PRKN: variants seen among roughly 807,000 people sequenced by gnomAD.
PRKN encodes E3 ubiquitin-protein ligase parkin.
Under a neutral mutation model 59.5 loss-of-function variants are expected in PRKN, and 56 were observed. The observed-to-expected ratio is 0.94, with a 90% CI of 0.76 to 1.18. The LOEUF is 1.18. PRKN is among the 50% of genes most tolerant of loss of function. The pLI is 0.00. For missense variants in PRKN, 657 were observed against 596.4 expected, an observed-to-expected ratio of 1.10 and a Z score of -1.06; for synonymous variants, 250 against 222.1, an observed-to-expected ratio of 1.13 and a Z score of -1.12.
At chr6:161,430,983 A>G (rs1788620317) in intron 9 of PRKN, among the ~76,000 whole-genome samples, 1 of 150,824 alleles carries the variant, frequency 6.6e-6, no homozygotes, top group South Asian at 2.1e-4. Context: ...TAAAACTACA[A>G]AAAAAATTAG....
At chr6:162,569,174 G>C (rs1046994330) in intron 1 of PRKN, 3 of 586,902 alleles carry the variant, frequency 5.1e-6, no homozygotes, top group African/African-American at 3.7e-5. Context: ...AGTATAAGGA[G>C]CTGCAGATGC....
chr6:162,497,635 C>T (rs1001396454), intron 1 of PRKN, among the ~76,000 whole-genome samples: 1 of 152,170 alleles, frequency 6.6e-6, no homozygotes, highest in African/African-American at 2.4e-5. Context: ...TCTGTTGTGC[C>T]TGAATAAAGC....
At chr6:162,146,890 C>T (rs549936985) in intron 4 of PRKN, among the ~76,000 whole-genome samples, 74 of 152,024 alleles carry the variant, frequency 4.9e-4, no homozygotes, top group Non-Finnish European at 9.6e-4. Context: ...GCCACCACTT[C>T]TGGCTAATTT....
intron 4 of PRKN, among the ~76,000 whole-genome samples, chr6:162,167,347 G>C (rs1196200546): frequency 6.6e-6 from 1 of 152,172 alleles, no homozygotes; most frequent in African/African-American, 2.4e-5. Flanking sequence ...CCTGACGTGT[G>C]CTTGTTAATC....
chr6:162,658,586 G>C (rs1392503864), intron 1 of PRKN, among the ~76,000 whole-genome samples: 2 of 148,680 alleles, frequency 1.3e-5, no homozygotes, highest in Non-Finnish European at 3.0e-5. Flanking sequence ...GCTTGAACCC[G>C]GGAGGCGGAG....
intron 6 of PRKN, among the ~76,000 whole-genome samples, chr6:161,840,817 A>G (rs1792954784): frequency 6.6e-6 from 1 of 152,152 alleles, no homozygotes; most frequent in South Asian, 2.1e-4. Flanking sequence ...GGTATTCCAC[A>G]TGGTATATAC....
In PRKN at chr6:161,545,318, AC is replaced by A. The variant is rs750735901; in HGVS notation, c.1083+3535del. 236 of 1,576,838 alleles carry A rather than the reference AC, an allele frequency of 1.5e-4. No homozygotes were observed. The highest frequency in any genetic ancestry group is 2.0e-4 in the Non-Finnish European group (231 of 1,160,874). On this transcript the variant is annotated intron_variant, in intron 9 of 11. Transcript: ENST00000366898. The surrounding 1 kb of genome is among the most constrained non-coding windows in gnomAD (Gnocchi z 4.1). ...GTTAATGACGTCTAGGGCTTTTTCC[AC>A]ATCTGGAACTCTGTAATTCTTCTAT...
At chr6:161,732,817 C>T (rs540923915) in intron 7 of PRKN, among the ~76,000 whole-genome samples, 7 of 152,184 alleles carry the variant, frequency 4.6e-5, no homozygotes, top group Admixed American at 2.0e-4. Context: ...TTTGCATTGT[C>T]TCGATGACCT....
chr6:162,244,537 T>G (rs1779120794), intron 3 of PRKN, among the ~76,000 whole-genome samples: 2 of 152,114 alleles, frequency 1.3e-5, no homozygotes, highest in East Asian at 3.8e-4. Context: ...TCAAAATTAT[T>G]TTTTCTGTCA....
intron 7 of PRKN, among the ~76,000 whole-genome samples, chr6:161,781,220 G>A (rs1200757136): frequency 6.6e-6 from 1 of 152,152 alleles, no homozygotes; most frequent in African/African-American, 2.4e-5. Flanking sequence ...TTAAGGAAAA[G>A]AGGTGCCAGG....
At chr6:161,722,274 G>A (rs1428919198) in intron 7 of PRKN, among the ~76,000 whole-genome samples, 2 of 152,084 alleles carry the variant, frequency 1.3e-5, no homozygotes, top group Non-Finnish European at 2.9e-5. Flanking sequence ...ATTTTTGTGT[G>A]CATTGATTTT....
At chr6:162,054,197 A>G (rs1316732808) in intron 4 of PRKN, 23 bp from the exon 5 acceptor site, 2 of 1,364,884 alleles carry the variant, frequency 1.5e-6, no homozygotes, top group Non-Finnish European at 2.1e-6. Flanking sequence ...ACAACAATAT[A>G]TGCTTATATG....
intron 7 of PRKN, among the ~76,000 whole-genome samples, chr6:161,622,167 C>T (rs1782929072): frequency 1.3e-5 from 2 of 152,224 alleles, no homozygotes; most frequent in Admixed American, 1.3e-4. Context: ...GGGGGCTGCC[C>T]TCTATTCCTC....
At chr6:161,996,838 G>GTTTTTT (rs148176858) in intron 5 of PRKN, among the ~76,000 whole-genome samples, 1 of 151,880 alleles carries the variant, frequency 6.6e-6, no homozygotes, top group African/African-American at 2.4e-5. Flanking sequence ...GGGGAAAAAC[G>GTTTTTT]TTTTATTTTT....
intron 6 of PRKN, among the ~76,000 whole-genome samples, chr6:161,869,113 T>C (rs1345859875): frequency 1.3e-5 from 2 of 152,214 alleles, no homozygotes; most frequent in African/African-American, 4.8e-5. Flanking sequence ...GCGCGATGGC[T>C]TATGCCTGTT....
At chr6:161,836,414 C>G (rs150390433) in intron 6 of PRKN, among the ~76,000 whole-genome samples, 1,805 of 152,276 alleles carry the variant, frequency 0.012, 11 homozygotes, top group Non-Finnish European at 0.019. Context: ...AAAATTCCAG[C>G]CTGAGTGGCC....
intron 1 of PRKN, among the ~76,000 whole-genome samples, chr6:162,698,608 T>G (rs1216525550): frequency 6.6e-6 from 1 of 152,072 alleles, no homozygotes; most frequent in Non-Finnish European, 1.5e-5. Flanking sequence ...GGACCACAGG[T>G]GCTGCAGTTG....
chr6:162,541,949 T>C (rs1007439487), intron 1 of PRKN, among the ~76,000 whole-genome samples: 4 of 152,154 alleles, frequency 2.6e-5, no homozygotes, highest in African/African-American at 9.7e-5. Flanking sequence ...ATCCTGGTCA[T>C]TGATTTGACT....
intron 1 of PRKN, among the ~76,000 whole-genome samples, chr6:162,642,644 T>C (rs1031579458): frequency 3.1e-4 from 47 of 151,990 alleles, no homozygotes; most frequent in African/African-American, 1.1e-3. Context: ...GACTAAGTAG[T>C]TGCTTCATGA....
Sources: gnomAD v4.1 joint callset for allele counts (sites outside exome capture counted in the v4.1 genomes callset) on GRCh38, gnomAD v4.1.1 for gene constraint, Gnocchi (gnomAD v3.1) non-coding constraint, MANE v1.5 for transcripts, NCBI Gene and HGNC (gene_info 2026-07-23, HGNC 2026-07-21) for gene names.